The following CCBE1 variants were observed in gnomAD, a reference collection of about 807,000 sequenced individuals.
CCBE1 encodes collagen and calcium-binding EGF domain-containing protein 1.
In CCBE1, 37 loss-of-function variants were observed where a neutral mutation model predicts 50.0. That is an observed-to-expected ratio of 0.74 (90% CI 0.57 to 0.97). The LOEUF (loss-of-function observed/expected upper bound fraction) is 0.97, where lower values mean the gene tolerates loss of function less well. Ranked by LOEUF, CCBE1 falls within the 50% of genes least tolerant of loss-of-function variation. CCBE1 has a pLI of 0.00. For synonymous variants in CCBE1, 234 were observed against 203.7 expected (o/e 1.15, Z -1.27); for missense variants, 538 against 523.8 (o/e 1.03, Z -0.26).
intron 7 of CCBE1, among the ~76,000 whole-genome samples, chr18:59,444,194 C>T (rs1476088675): frequency 7.7e-6 from 1 of 129,748 alleles, no homozygotes; most frequent in Non-Finnish European, 1.6e-5. Context: ...GCTTCCACCT[C>T]TTGGCTATTG....
intron 7 of CCBE1, among the ~76,000 whole-genome samples, chr18:59,446,726 G>A (rs113232783): frequency 3.9e-5 from 6 of 152,276 alleles, no homozygotes; most frequent in East Asian, 1.9e-4. Context: ...CCTAAATGCC[G>A]CTGACCACTG....
intron 2 of CCBE1, among the ~76,000 whole-genome samples, chr18:59,567,665 T>C (rs2052850394): frequency 6.6e-6 from 1 of 152,194 alleles, no homozygotes; most frequent in Non-Finnish European, 1.5e-5. Flanking sequence ...CTTCTGTGTG[T>C]CATTTTCCAG....
chr18:59,529,441 G>A (rs1380492378), intron 2 of CCBE1, among the ~76,000 whole-genome samples: 1 of 152,250 alleles, frequency 6.6e-6, no homozygotes, highest in Non-Finnish European at 1.5e-5. Flanking sequence ...AAGTGGCTAT[G>A]GAGAATCTGC....
intron 2 of CCBE1, among the ~76,000 whole-genome samples, chr18:59,530,031 A>G (rs1914987541): frequency 6.6e-6 from 1 of 152,164 alleles, no homozygotes; most frequent in East Asian, 1.9e-4. Context: ...TACAGTAAGG[A>G]TCAAGAATCT....
chr18:59,657,231 G>A (rs1008682776), intron 2 of CCBE1, among the ~76,000 whole-genome samples: 1 of 152,266 alleles, frequency 6.6e-6, no homozygotes, highest in African/African-American at 2.4e-5. Context: ...GGACAGATGT[G>A]TGCGAGGGTA....
At chr18:59,495,083 G>A (rs1163716171) in intron 2 of CCBE1, among the ~76,000 whole-genome samples, 2 of 151,838 alleles carry the variant, frequency 1.3e-5, no homozygotes, top group Non-Finnish European at 2.9e-5. Context: ...GAAGGTTGCA[G>A]TGAGCCCGAG....
intron 2 of CCBE1, among the ~76,000 whole-genome samples, chr18:59,651,058 C>G (rs139732242): frequency 2.0e-5 from 3 of 152,302 alleles, no homozygotes; most frequent in South Asian, 4.1e-4. Flanking sequence ...AGCTAATCAA[C>G]TTGGATATAG....
At chr18:59,545,089 A>G (rs1006966653) in intron 2 of CCBE1, among the ~76,000 whole-genome samples, 1 of 152,230 alleles carries the variant, frequency 6.6e-6, no homozygotes, top group Admixed American at 6.5e-5. Context: ...TTTCCAGAAT[A>G]GAAAATAAGC....
At chr18:59,565,940 T>A (rs777871307) in intron 2 of CCBE1, among the ~76,000 whole-genome samples, 1 of 151,774 alleles carries the variant, frequency 6.6e-6, no homozygotes, top group Non-Finnish European at 1.5e-5. Flanking sequence ...AACTCCCCCA[T>A]CCCCCAAATG....
chr18:59,478,617 GC>G (rs1300944923), intron 3 of CCBE1, among the ~76,000 whole-genome samples: 1 of 152,128 alleles, frequency 6.6e-6, no homozygotes, highest in African/African-American at 2.4e-5. Flanking sequence ...TACTTTTAAG[GC>G]CTAGATGTTT....
intron 2 of CCBE1, among the ~76,000 whole-genome samples, chr18:59,652,757 G>A (rs1568254954): frequency 1.3e-5 from 2 of 152,208 alleles, no homozygotes; most frequent in African/African-American, 2.4e-5. Flanking sequence ...GGGGTCAGGA[G>A]ATTGAGACCA....
At chr18:59,601,755 G>C (rs553376883) in intron 2 of CCBE1, among the ~76,000 whole-genome samples, 1 of 152,202 alleles carries the variant, frequency 6.6e-6, no homozygotes, top group African/African-American at 2.4e-5. Flanking sequence ...TGGAGAAAGT[G>C]TATGTCCAGC....
At chr18:59,446,357 T>G (rs1461942496) in intron 7 of CCBE1, among the ~76,000 whole-genome samples, 1 of 152,116 alleles carries the variant, frequency 6.6e-6, no homozygotes, top group East Asian at 1.9e-4. Flanking sequence ...AGCATTCTCT[T>G]AGAGGAGGGT....
intron 5 of CCBE1, 50 bp downstream of exon 5, chr18:59,466,689 A>G: frequency 2.3e-6 from 3 of 1,332,088 alleles, no homozygotes; most frequent in Non-Finnish European, 2.1e-6. Context: ...TTATATATAT[A>G]ATATATAAAA....
intron 2 of CCBE1, among the ~76,000 whole-genome samples, chr18:59,641,235 T>A (rs2053984905): frequency 6.6e-6 from 1 of 151,632 alleles, no homozygotes. Flanking sequence ...TTACAATGGA[T>A]AAAAAAAATG....
chr18:59,508,319 T>C (rs1157535461), intron 2 of CCBE1, among the ~76,000 whole-genome samples: 3 of 150,150 alleles, frequency 2.0e-5, no homozygotes, highest in Non-Finnish European at 3.0e-5. Context: ...CTTGCCTCAC[T>C]GGGTGTGGTG....
At chr18:59,458,148 C>G (rs1026962805) in intron 5 of CCBE1, among the ~76,000 whole-genome samples, 5 of 148,696 alleles carry the variant, frequency 3.4e-5, no homozygotes, top group African/African-American at 1.2e-4. Context: ...ATCCATCCAT[C>G]TATCCATCCA....
chr18:59,678,118 A>G (rs556585767), intron 2 of CCBE1, among the ~76,000 whole-genome samples: 2 of 152,290 alleles, frequency 1.3e-5, no homozygotes, highest in South Asian at 2.1e-4. Context: ...TACAATGCTG[A>G]TAAGTGTGTG....
chr18:59,453,622 A>G (rs1268472445), intron 6 of CCBE1, among the ~76,000 whole-genome samples: 5 of 152,174 alleles, frequency 3.3e-5, no homozygotes, highest in African/African-American at 1.2e-4. Flanking sequence ...GGCTGGCTGC[A>G]TGTTTGTTGA....
Sources: allele counts gnomAD v4.1 joint callset (sites outside exome capture counted in the v4.1 genomes callset), GRCh38; gene constraint gnomAD v4.1.1; transcripts MANE v1.5; gene names NCBI Gene and HGNC (gene_info 2026-07-23, HGNC 2026-07-21).